The following MYO1D variants were observed in gnomAD, a reference collection of about 807,000 sequenced individuals.
MYO1D encodes myosin ID.
In MYO1D, 83 loss-of-function variants were observed where a neutral mutation model predicts 122.0. The observed-to-expected ratio is 0.68, with a 90% CI of 0.57 to 0.82. MYO1D has a LOEUF of 0.82. MYO1D is among the 40% of genes least tolerant of loss of function. MYO1D has a pLI of 0.00. For missense variants in MYO1D, 1,157 were observed against 1,269.5 expected, an observed-to-expected ratio of 0.91 and a Z score of 1.35; for synonymous variants, 464 against 446.9, an observed-to-expected ratio of 1.04 and a Z score of -0.48.
chr17:32,722,855 A>C (rs2089528245), intron 14 of MYO1D, among the ~76,000 whole-genome samples: 2 of 152,262 alleles, frequency 1.3e-5, no homozygotes, highest in South Asian at 4.2e-4. Context: ...TATGATAATG[A>C]GGTGACTCAT....
At chr17:32,813,902 A>G (rs952928352) in intron 1 of MYO1D, among the ~76,000 whole-genome samples, 24 of 152,318 alleles carry the variant, frequency 1.6e-4, no homozygotes, top group African/African-American at 5.3e-4. Flanking sequence ...GGAGATGGTG[A>G]GGACAGACAT....
intron 12 of MYO1D, among the ~76,000 whole-genome samples, chr17:32,747,565 G>T (rs1024465136): frequency 3.3e-5 from 5 of 152,048 alleles, no homozygotes; most frequent in African/African-American, 1.2e-4. Context: ...GGCCAGGCTC[G>T]GTGGCTCATG....
intron 16 of MYO1D, 154 bp from the exon 17 acceptor site, chr17:32,659,492 T>G: frequency 1.5e-6 from 1 of 667,852 alleles, no homozygotes. Flanking sequence ...CAGTTCCACC[T>G]GCCACCAACA....
At chr17:32,769,144 G>T (rs2090089321) in intron 6 of MYO1D, among the ~76,000 whole-genome samples, 2 of 152,328 alleles carry the variant, frequency 1.3e-5, no homozygotes, top group African/African-American at 4.8e-5. Context: ...CAACATGAGG[G>T]AAAGTGTTTA....
At chr17:32,827,400 A>G (rs1321702151) in intron 1 of MYO1D, among the ~76,000 whole-genome samples, 2 of 152,196 alleles carry the variant, frequency 1.3e-5, no homozygotes, top group Non-Finnish European at 2.9e-5. Context: ...AGGGTTGTGA[A>G]GAGGGAGGAA....
chr17:32,700,844 T>C lies in MYO1D; in HGVS notation c.2121+11144A>G, dbSNP rs915287831. ...CTGTAATACCAGCTACTTGGGAGGC[T>C]GAGGCAGGAGAATCGCTTGAACCCA... is the stretch of plus-strand genomic sequence containing the variant. On this transcript the variant is annotated intron_variant, in intron 16 of 21. Transcript: ENST00000318217. Among the ~76,000 whole-genome samples, 5 of 150,144 alleles carry C rather than the reference T, an allele frequency of 3.3e-5. No individual in the cohort carries two copies. In the Admixed American group the frequency reaches 3.4e-4, roughly 10 times the overall value.
intron 17 of MYO1D, among the ~76,000 whole-genome samples, chr17:32,656,053 G>A (rs1027245891): frequency 3.3e-5 from 5 of 152,128 alleles, no homozygotes; most frequent in African/African-American, 1.2e-4. Context: ...GTTCCTGATT[G>A]GGAAAAAACA....
At chr17:32,727,508 T>C (rs1187590225) in intron 14 of MYO1D, 1 of 152,218 alleles carries the variant, frequency 6.6e-6, no homozygotes, top group East Asian at 1.9e-4. Context: ...TGTTGTTAAG[T>C]GATACATGTC....
rs1036831314 is a variant in MYO1D at position 32,721,009 on chromosome 17, G to T, written c.1913+14C>A. 4.4e-6 allele frequency: 7 copies of T among 1,609,048 alleles called. No individual in the cohort carries two copies. Among genetic ancestry groups the T allele is most frequent in the African/African-American group, 4.0e-5 (3 of 74,754 alleles). On this transcript the variant is annotated intron_variant, in intron 15 of 21. Transcript: ENST00000318217. ...TCTCAGTGAACTAGGCCTCTCTGAC[G>T]AGTCTATTCTCACCTGTGAAGAAAC...
At position 32,633,740 on chromosome 17, in the gene MYO1D, T is replaced by C. The variant is rs928298984; in HGVS notation, c.2709+4982A>G. 6.6e-5 allele frequency among the ~76,000 whole-genome samples: 10 copies of C among 152,122 alleles called. No homozygotes were observed. In the East Asian group the frequency reaches 1.9e-3, roughly 29 times the overall value. On this transcript the variant is annotated intron_variant, in intron 20 of 21. Transcript: ENST00000318217. ...CTCCCTGCTCGTGTCTCTGTGTCTTTGCTGTTCCTTCTGTCTAAAATACTT... is the reference window on the plus strand; with the variant it reads ...CTCCCTGCTCGTGTCTCTGTGTCTTCGCTGTTCCTTCTGTCTAAAATACTT...
chr17:32,698,979 T>C (rs1000636909), intron 16 of MYO1D, among the ~76,000 whole-genome samples: 10 of 152,164 alleles, frequency 6.6e-5, no homozygotes, highest in Admixed American at 6.5e-4. Flanking sequence ...TTAATTTTAA[T>C]TTTTTTCAAG....
intron 21 of MYO1D, among the ~76,000 whole-genome samples, chr17:32,545,470 T>C (rs1239174805): frequency 6.6e-6 from 1 of 152,176 alleles, no homozygotes; most frequent in Non-Finnish European, 1.5e-5. Context: ...AAATATTTAT[T>C]GAACTAATGG....
chr17:32,706,072 T>G (rs1469105548), intron 16 of MYO1D, among the ~76,000 whole-genome samples: 2 of 152,296 alleles, frequency 1.3e-5, no homozygotes, highest in East Asian at 3.9e-4. Flanking sequence ...ACTAATACAG[T>G]CAACATTCTT....
intron 16 of MYO1D, among the ~76,000 whole-genome samples, chr17:32,691,470 A>G (rs953366610): frequency 6.8e-6 from 1 of 147,884 alleles, no homozygotes; most frequent in Non-Finnish European, 1.5e-5. Flanking sequence ...GCAGTGGTAC[A>G]ATTTCAGCTC....
At chr17:32,712,232 C>T (rs766644275) in intron 15 of MYO1D, 37 bp from the exon 16 acceptor site, 26 of 1,561,814 alleles carry the variant, frequency 1.7e-5, no homozygotes, top group Non-Finnish European at 2.3e-5. Context: ...AGGGAGAAAA[C>T]CATATGGTCA....
chr17:32,844,006 C>T (rs193155803), intron 1 of MYO1D, among the ~76,000 whole-genome samples: 37 of 150,388 alleles, frequency 2.5e-4, no homozygotes, highest in Non-Finnish European at 4.9e-4. Context: ...TACACATATA[C>T]ACACACACAC....
intron 1 of MYO1D, among the ~76,000 whole-genome samples, chr17:32,848,591 A>T (rs1180597515): frequency 1.3e-5 from 2 of 152,360 alleles, no homozygotes; most frequent in Non-Finnish European, 2.9e-5. Context: ...AGAGGCCATT[A>T]GTGGGCTTGA....
chr17:32,757,789 T>G (rs921607908), intron 10 of MYO1D, among the ~76,000 whole-genome samples: 1 of 152,106 alleles, frequency 6.6e-6, no homozygotes, highest in Non-Finnish European at 1.5e-5. Context: ...AAACCAGTAG[T>G]TTTCAAACTA....
chr17:32,735,448 G>A (rs144545136), intron 14 of MYO1D, among the ~76,000 whole-genome samples: 1,776 of 152,292 alleles, frequency 0.012, 15 homozygotes, highest in Non-Finnish European at 0.018. Flanking sequence ...CTCCCAAAGT[G>A]CTGGGATTAC....
Sources: gnomAD v4.1 joint callset for allele counts (sites outside exome capture counted in the v4.1 genomes callset) on GRCh38, gnomAD v4.1.1 for gene constraint, MANE v1.5 for transcripts, NCBI Gene and HGNC (gene_info 2026-07-23, HGNC 2026-07-21) for gene names.